Variants in KCMF1 observed in about 807,000 individuals in gnomAD.
KCMF1 encodes potassium channel modulatory factor 1.
A neutral mutation model predicts 41.1 loss-of-function variants in KCMF1; 3 were observed. That is an observed-to-expected ratio of 0.07 (90% CI 0.03 to 0.19). The LOEUF (loss-of-function observed/expected upper bound fraction) is 0.19, where lower values mean the gene tolerates loss of function less well. Among genes scored for constraint, KCMF1 ranks in the 10% least tolerant of loss-of-function variants. The probability of loss-of-function intolerance (pLI) is 1.00; values close to 1 mark genes in which losing one functional copy is unlikely to be tolerated. For missense variants in KCMF1, 286 were observed against 488.9 expected, an observed-to-expected ratio of 0.58 and a Z score of 3.91; for synonymous variants, 142 against 164.5, an observed-to-expected ratio of 0.86 and a Z score of 1.04.
intron 1 of KCMF1, among the ~76,000 whole-genome samples, chr2:85,019,485 C>T (rs953358237): frequency 6.6e-6 from 1 of 151,980 alleles, no homozygotes. Context: ...AAGTTCATGA[C>T]AACAGAAGGA....
intron 1 of KCMF1, among the ~76,000 whole-genome samples, chr2:85,005,379 A>G (rs1244922540): frequency 4.0e-5 from 6 of 151,346 alleles, no homozygotes; most frequent in Admixed American, 2.0e-4. Flanking sequence ...AGCTCCGCCT[A>G]TTGGGGTCAT....
chr2:84,982,389 C>CTT (rs34687477), intron 1 of KCMF1, among the ~76,000 whole-genome samples: 1,155 of 47,260 alleles, frequency 0.024, 76 homozygotes, highest in Non-Finnish European at 0.029. Context: ...TCCTTATTTT[C>CTT]TTTTTTTTTT....
intron 1 of KCMF1, among the ~76,000 whole-genome samples, chr2:85,019,936 AATAG>A (rs1273699080): frequency 2.0e-5 from 3 of 152,084 alleles, no homozygotes; most frequent in Admixed American, 6.6e-5. Context: ...TTTTATCAAA[AATAG>A]ATAGTAAATT....
intron 1 of KCMF1, among the ~76,000 whole-genome samples, chr2:84,990,774 T>C (rs1350369489): frequency 6.6e-6 from 1 of 151,992 alleles, no homozygotes; most frequent in African/African-American, 2.4e-5. Flanking sequence ...CTTCATTAAG[T>C]ATAAAAGTCC....
chr2:84,971,378 G>T lies in KCMF1; in HGVS notation c.-74G>T, dbSNP rs1673387987. On this transcript the variant is annotated 5_prime_UTR_variant, in exon 1 of 7. Transcript: ENST00000409785. ...AGTGGGAGTCGGCCGGCCGGCGCGG[G>T]CAGCGCCGGGACCCCGCGGGGGACA... The T allele has an allele frequency of 1.3e-5, 13 of 1,010,174 alleles. No homozygotes were observed. The highest frequency in any genetic ancestry group is 4.4e-5 in the South Asian group (1 of 22,876). The allele number at this position is 1,010,174 out of a possible 1,614,324, so 62.6% of individuals were successfully genotyped here. A position where few individuals can be genotyped will look rare whatever the true frequency, so the allele number is the denominator to read the frequency against.
intron 3 of KCMF1, among the ~76,000 whole-genome samples, chr2:85,040,081 G>T (rs1442729818): frequency 6.6e-6 from 1 of 152,148 alleles, no homozygotes; most frequent in Admixed American, 6.5e-5. Context: ...CTCCCAAAGT[G>T]CTGCGATTGT....
intron 3 of KCMF1, among the ~76,000 whole-genome samples, chr2:85,038,911 C>A (rs937310298): frequency 1.3e-5 from 2 of 152,158 alleles, no homozygotes; most frequent in African/African-American, 4.8e-5. Context: ...GTAGAGACTT[C>A]GTCTCACCGT....
At chr2:85,018,822 T>G (rs1001823328) in intron 1 of KCMF1, among the ~76,000 whole-genome samples, 15 of 140,960 alleles carry the variant, frequency 1.1e-4, no homozygotes, top group African/African-American at 1.9e-4. Flanking sequence ...TTTTTTTTTT[T>G]GAGACAGAGT....
intron 1 of KCMF1, among the ~76,000 whole-genome samples, chr2:85,026,952 A>C (rs1270002779): frequency 6.6e-6 from 1 of 152,190 alleles, no homozygotes; most frequent in African/African-American, 2.4e-5. Flanking sequence ...TATATGCCAG[A>C]TGCTTGGTAT....
intron 6 of KCMF1, among the ~76,000 whole-genome samples, chr2:85,049,861 A>G (rs1463614520): frequency 6.6e-6 from 1 of 152,160 alleles, no homozygotes; most frequent in Non-Finnish European, 1.5e-5. Flanking sequence ...ACTGGGCCAG[A>G]CCCAGTGGCT....
intron 5 of KCMF1, among the ~76,000 whole-genome samples, chr2:85,049,053 A>G (rs1008691522): frequency 6.6e-6 from 1 of 152,208 alleles, no homozygotes; most frequent in African/African-American, 2.4e-5. Context: ...CCACAGATAA[A>G]CCACTTCATT....
At chr2:85,005,874 A>T (rs900637892) in intron 1 of KCMF1, among the ~76,000 whole-genome samples, 4 of 152,220 alleles carry the variant, frequency 2.6e-5, no homozygotes, top group Non-Finnish European at 5.9e-5. Flanking sequence ...TAGCTTATCT[A>T]TCACCTCAAA....
At chr2:85,002,484 A>G (rs1674357667) in intron 1 of KCMF1, among the ~76,000 whole-genome samples, 1 of 152,192 alleles carries the variant, frequency 6.6e-6, no homozygotes, top group African/African-American at 2.4e-5. Context: ...GAGACTTCCC[A>G]TATATTCCTT....
intron 1 of KCMF1, among the ~76,000 whole-genome samples, chr2:84,990,736 T>A (rs1183868873): frequency 6.6e-6 from 1 of 152,004 alleles, no homozygotes; most frequent in Non-Finnish European, 1.5e-5. Context: ...AGGGAAGGCC[T>A]TTTGAGGAGG....
chr2:85,004,103 C>T (rs916371461), intron 1 of KCMF1, among the ~76,000 whole-genome samples: 6 of 152,176 alleles, frequency 3.9e-5, no homozygotes, highest in Admixed American at 1.3e-4. Flanking sequence ...TGCATGATGT[C>T]ATCACACTAT....
At chr2:85,037,672 A>G (rs1029693124) in intron 3 of KCMF1, among the ~76,000 whole-genome samples, 1 of 152,180 alleles carries the variant, frequency 6.6e-6, no homozygotes, top group Non-Finnish European at 1.5e-5. Flanking sequence ...CTTGCTATAT[A>G]TCTCCTTTTC....
chr2:84,993,731 G>A (rs1028382542), intron 1 of KCMF1, among the ~76,000 whole-genome samples: 9 of 150,018 alleles, frequency 6.0e-5, no homozygotes, highest in Admixed American at 3.3e-4. Flanking sequence ...ATGCGCCACC[G>A]TGCCTGGCTA....
At chr2:85,042,414 C>T (rs1042683702) in intron 3 of KCMF1, among the ~76,000 whole-genome samples, 1 of 152,206 alleles carries the variant, frequency 6.6e-6, no homozygotes, top group Non-Finnish European at 1.5e-5. Context: ...CATCTCCCCT[C>T]ATCTCCAGCG....
chr2:85,023,752 G>A (rs1343477058), intron 1 of KCMF1, among the ~76,000 whole-genome samples: 1 of 152,180 alleles, frequency 6.6e-6, no homozygotes, highest in Non-Finnish European at 1.5e-5. Flanking sequence ...ATCATAGGAG[G>A]TATATGTGTT....
Sources: allele counts gnomAD v4.1 joint callset (sites outside exome capture counted in the v4.1 genomes callset), GRCh38; gene constraint gnomAD v4.1.1; transcripts MANE v1.5; gene names NCBI Gene and HGNC (gene_info 2026-07-23, HGNC 2026-07-21).